UBE2D3: variants seen among roughly 807,000 people sequenced by gnomAD.
UBE2D3 encodes ubiquitin-conjugating enzyme E2 D3.
In UBE2D3, 2 loss-of-function variants were observed where a neutral mutation model predicts 22.8. That is an observed-to-expected ratio of 0.09 (90% CI 0.04 to 0.28). The LOEUF (loss-of-function observed/expected upper bound fraction) is 0.28. UBE2D3 is among the 10% of genes least tolerant of loss of function. The probability of loss-of-function intolerance (pLI) is 1.00; values close to 1 mark genes in which losing one functional copy is unlikely to be tolerated. For synonymous variants in UBE2D3, 56 were observed against 60.4 expected, an observed-to-expected ratio of 0.93 and a Z score of 0.34; for missense variants, 27 against 182.5, an observed-to-expected ratio of 0.15 and a Z score of 4.91.
At chr4:102,844,952 G>C (rs571080627) in intron 1 of UBE2D3, among the ~76,000 whole-genome samples, 81 of 150,570 alleles carry the variant, frequency 5.4e-4, no homozygotes, top group Non-Finnish European at 9.3e-4. Flanking sequence ...AACCTGGGAG[G>C]CGGGGCTTGC....
chr4:102,835,059 C>A (rs926595586), intron 1 of UBE2D3, among the ~76,000 whole-genome samples: 1 of 152,148 alleles, frequency 6.6e-6, no homozygotes, highest in Non-Finnish European at 1.5e-5. Context: ...TTATCACAGT[C>A]TACAGAACCA....
intron 2 of UBE2D3, among the ~76,000 whole-genome samples, chr4:102,821,954 T>C (rs993150876): frequency 6.6e-6 from 1 of 152,240 alleles, no homozygotes; most frequent in Non-Finnish European, 1.5e-5. Context: ...GAGATTTTAA[T>C]CTGAAACATT....
Position 102,799,837 on chromosome 4 carries a change from G to GT in UBE2D3, c.305-338_305-337insA, listed in dbSNP as rs199658855. 8.0e-4 allele frequency among the ~76,000 whole-genome samples: 118 copies of GT among 146,742 alleles called. 3 individuals carry two copies. In the East Asian group the frequency reaches 0.019, roughly 24 times the overall value. Reference sequence around the variant, plus strand: ...GTTTCTTGGTACTCAGTGGCTGGGGGGGGGGGGACTTTAGCAAGAATATGC... The same window carrying GT: ...GTTTCTTGGTACTCAGTGGCTGGGGGTGGGGGGGACTTTAGCAAGAATATGC... On this transcript the variant is annotated intron_variant, in intron 6 of 7. Transcript: ENST00000453744.
At chr4:102,868,873 C>A in exon 1 of UBE2D3, 11 of 1,520,646 alleles carry the variant, frequency 7.2e-6, no homozygotes, top group Non-Finnish European at 9.9e-6. Context: ...CCCGCCAGTT[C>A]CCGCGCCTCG....
intron 1 of UBE2D3, among the ~76,000 whole-genome samples, chr4:102,845,750 T>C (rs1732011578): frequency 6.6e-6 from 1 of 152,186 alleles, no homozygotes; most frequent in African/African-American, 2.4e-5. Context: ...CTTTGACTTA[T>C]TTTGGTAATT....
chr4:102,850,958 TA>T (rs982058492), intron 1 of UBE2D3, among the ~76,000 whole-genome samples: 3 of 151,938 alleles, frequency 2.0e-5, no homozygotes, highest in African/African-American at 7.3e-5. Context: ...GGGTGAGGGA[TA>T]AAAGACTACG....
Position 102,868,873 on chromosome 4 carries a change from C to T in UBE2D3, c.-287G>A. The T allele has an allele frequency of 3.3e-6, 5 of 1,520,646 alleles. 1 individual carries two copies. The South Asian group carries it at 5.7e-5, about 17-fold the overall frequency. 94.2% of individuals were successfully genotyped at this position (1,520,646 alleles called of 1,614,324 possible). A position where few individuals can be genotyped will look rare whatever the true frequency, so the allele number is the denominator to read the frequency against. Reference sequence around the variant, plus strand: ...AGGAGGGCCTCGCTACCCGCCAGTTCCCGCGCCTCGGCAGTCCGCCGCGAG... The same window carrying T: ...AGGAGGGCCTCGCTACCCGCCAGTTTCCGCGCCTCGGCAGTCCGCCGCGAG... On this transcript the variant is annotated 5_prime_UTR_variant, in exon 1 of 8. Transcript: ENST00000338145.
Position 102,861,833 on chromosome 4 carries a change from T to C in UBE2D3, c.-129+6882A>G, listed in dbSNP as rs1426954593. 2.0e-5 allele frequency among the ~76,000 whole-genome samples: 3 copies of C among 151,990 alleles called. No homozygotes were observed. The East Asian group carries it at 5.8e-4, about 29-fold the overall frequency. On this transcript the variant is annotated intron_variant, in intron 1 of 7. Transcript: ENST00000338145. ...GTCTAGTCAATGACTGCAAAAGTGG[T>C]ATGTCAGTATACACTTACAGAATTA...
intron 1 of UBE2D3, among the ~76,000 whole-genome samples, chr4:102,833,395 T>G (rs1731218863): frequency 6.6e-6 from 1 of 152,200 alleles, no homozygotes; most frequent in Non-Finnish European, 1.5e-5. Flanking sequence ...CAAAATACTA[T>G]TATGTGTTGC....
chr4:102,836,141 A>ATTTTTTTTTTT (rs907557988), intron 1 of UBE2D3, among the ~76,000 whole-genome samples: 4 of 102,668 alleles, frequency 3.9e-5, no homozygotes, highest in South Asian at 3.1e-4. Context: ...GTTTGTTTCC[A>ATTTTTTTTTTT]TTTTTTTTTT....
In UBE2D3 at chr4:102,827,485, G is replaced by A; in HGVS notation, c.-187C>T. On this transcript the variant is annotated 5_prime_UTR_variant, in exon 1 of 8. Coordinates refer to ENST00000453744, the MANE Select transcript of UBE2D3 (RefSeq NM_181891.3). ...CGGCCTCCTCCCCGCGCGGCAGCTG[G>A]TGCCTCCCCGGCCCTACGGGGCTCA... 3.0e-6 allele frequency: 3 copies of A among 986,228 alleles called. No individual in the cohort carries two copies. The highest frequency in any genetic ancestry group is 3.6e-6 in the Non-Finnish European group (3 of 830,210). 61.1% of individuals were successfully genotyped at this position (986,228 alleles called of 1,614,324 possible).
intron 1 of UBE2D3, among the ~76,000 whole-genome samples, chr4:102,867,741 G>A (rs1334299191): frequency 1.3e-5 from 2 of 152,014 alleles, no homozygotes; most frequent in Non-Finnish European, 2.9e-5. Context: ...AGTCTGCGGT[G>A]AGCTATGATC....
intron 1 of UBE2D3, among the ~76,000 whole-genome samples, chr4:102,854,729 G>GA (rs1732548578): frequency 6.6e-6 from 1 of 152,090 alleles, no homozygotes; most frequent in Non-Finnish European, 1.5e-5. Context: ...CTGAAAAAAT[G>GA]AAAAACTAGT....
intron 1 of UBE2D3, among the ~76,000 whole-genome samples, chr4:102,867,588 C>A (rs1451298430): frequency 1.3e-5 from 2 of 152,130 alleles, no homozygotes; most frequent in African/African-American, 4.8e-5. Context: ...TTAATAAAAA[C>A]AACTATCCAG....
chr4:102,808,425 A>G (rs552901655), intron 4 of UBE2D3, among the ~76,000 whole-genome samples: 20 of 152,308 alleles, frequency 1.3e-4, no homozygotes, highest in African/African-American at 4.3e-4. Flanking sequence ...TTATTACAGG[A>G]CTATTTTTAC....
intron 4 of UBE2D3, 75 bp downstream of exon 4, chr4:102,809,597 A>C: frequency 7.1e-7 from 1 of 1,410,208 alleles, no homozygotes; most frequent in Non-Finnish European, 9.6e-7. Flanking sequence ...AAACCTACAG[A>C]CCAAGTTAAA....
Position 102,795,602 on chromosome 4 carries a change from A to C in UBE2D3, c.*1813T>G, listed in dbSNP as rs1461358590. The C allele has an allele frequency of 6.6e-6, 1 of 152,136 alleles. No homozygotes were observed. The highest frequency in any genetic ancestry group is 1.5e-5 in the Non-Finnish European group (1 of 67,970). 9.4% of individuals were successfully genotyped at this position (152,136 alleles called of 1,614,324 possible). A position where few individuals can be genotyped will look rare whatever the true frequency, so the allele number is the denominator to read the frequency against. On this transcript the variant is annotated 3_prime_UTR_variant, in exon 8 of 8. Transcript: ENST00000453744. Reference sequence around the variant, plus strand: ...CCAATGAAATGATTACAGAATTAACAAAGCCAGAACATCTTCAGAAGGCAT... The same window carrying C: ...CCAATGAAATGATTACAGAATTAACCAAGCCAGAACATCTTCAGAAGGCAT...
chr4:102,833,751 C>T (rs966169048), intron 1 of UBE2D3, among the ~76,000 whole-genome samples: 14 of 152,194 alleles, frequency 9.2e-5, no homozygotes, highest in African/African-American at 2.7e-4. Flanking sequence ...AAGATTCATT[C>T]TCATTCTGGA....
chr4:102,803,362 G>A (rs1262570152), intron 4 of UBE2D3, among the ~76,000 whole-genome samples: 3 of 152,144 alleles, frequency 2.0e-5, no homozygotes, highest in East Asian at 1.9e-4. Flanking sequence ...CCGAAGACAT[G>A]TTTTACAACT....
Sources: allele counts gnomAD v4.1 joint callset (sites outside exome capture counted in the v4.1 genomes callset), GRCh38; gene constraint gnomAD v4.1.1; transcripts MANE v1.5; gene names NCBI Gene and HGNC (gene_info 2026-07-23, HGNC 2026-07-21).